Variants in FTO observed in about 807,000 individuals in gnomAD.
FTO encodes alpha-ketoglutarate-dependent dioxygenase FTO.
Under a neutral mutation model 63.9 loss-of-function variants are expected in FTO, and 47 were observed. The ratio of observed to expected loss-of-function variants is 0.74; its 90% CI spans 0.58 to 0.94. The LOEUF (loss-of-function observed/expected upper bound fraction) is 0.94, where lower values mean the gene tolerates loss of function less well. Ranked by LOEUF, FTO falls within the 40% of genes least tolerant of loss-of-function variation. FTO has a pLI of 0.00. For missense variants in FTO, 562 were observed against 618.1 expected, an observed-to-expected ratio of 0.91 and a Z score of 0.96; for synonymous variants, 207 against 224.4, an observed-to-expected ratio of 0.92 and a Z score of 0.69.
At chr16:53,722,241 A>C in intron 1 of FTO, among the ~76,000 whole-genome samples, 1 of 152,164 alleles carries the variant, frequency 6.6e-6, no homozygotes. Flanking sequence ...GTCATATTAA[A>C]TTTTACATTT....
intron 2 of FTO, among the ~76,000 whole-genome samples, chr16:53,822,368 T>C (rs1476027315): frequency 6.6e-6 from 1 of 152,220 alleles, no homozygotes; most frequent in Non-Finnish European, 1.5e-5. Context: ...ATCCACATAT[T>C]TTTGATCACA....
chr16:53,777,766 A>G (rs747855145), intron 1 of FTO, among the ~76,000 whole-genome samples: 1 of 152,220 alleles, frequency 6.6e-6, no homozygotes, highest in Non-Finnish European at 1.5e-5. Context: ...GACAACCTGA[A>G]GTTTATCATT....
At chr16:53,893,685 G>A (rs1008360842) in intron 7 of FTO, among the ~76,000 whole-genome samples, 16 of 151,598 alleles carry the variant, frequency 1.1e-4, no homozygotes, top group Non-Finnish European at 4.4e-5. Flanking sequence ...AGGTCAATTT[G>A]GTATAATCCA....
chr16:53,834,126 G>T (rs924536469), intron 3 of FTO, among the ~76,000 whole-genome samples: 1 of 151,936 alleles, frequency 6.6e-6, no homozygotes, highest in Admixed American at 6.6e-5. Flanking sequence ...CCAGGTTCAC[G>T]CCATTCTCCT....
At chr16:53,808,557 G>T (rs2078431954) in intron 1 of FTO, among the ~76,000 whole-genome samples, 1 of 152,106 alleles carries the variant, frequency 6.6e-6, no homozygotes, top group Non-Finnish European at 1.5e-5. Context: ...GGTCCAGAAA[G>T]AATTTGTGTT....
intron 8 of FTO, among the ~76,000 whole-genome samples, chr16:53,976,388 A>G (rs553313922): frequency 6.6e-6 from 1 of 152,216 alleles, no homozygotes; most frequent in East Asian, 1.9e-4. Flanking sequence ...GGAATAAACC[A>G]TTCTTGCCTC....
intron 2 of FTO, among the ~76,000 whole-genome samples, chr16:53,818,200 A>G (rs922606850): frequency 1.3e-5 from 2 of 151,790 alleles, no homozygotes; most frequent in Non-Finnish European, 2.9e-5. Flanking sequence ...GAAAAATTGA[A>G]CAAATGCTTC....
rs1033486994 is a variant in FTO at position 53,948,951 on chromosome 16, C to T, written c.1364+14842C>T. On this transcript the variant is annotated intron_variant, in intron 8 of 8. Coordinates refer to ENST00000471389, the MANE Select transcript of FTO (RefSeq NM_001080432.3). Reference sequence around the variant, plus strand: ...GCATTATTCCATGTAGGTTCTTGCGCGTGAGTGTGTATGTGTGTACGTGTG... The same window carrying T: ...GCATTATTCCATGTAGGTTCTTGCGTGTGAGTGTGTATGTGTGTACGTGTG... Among the ~76,000 whole-genome samples the T allele has an allele frequency of 7.2e-5, 11 of 152,224 alleles. No individual in the cohort carries two copies. In the South Asian group the frequency reaches 1.2e-3, roughly 17 times the overall value.
intron 7 of FTO, among the ~76,000 whole-genome samples, chr16:53,901,596 G>C (rs2081404217): frequency 6.6e-6 from 1 of 152,106 alleles, no homozygotes; most frequent in Non-Finnish European, 1.5e-5. Flanking sequence ...TCCCACATTA[G>C]TGATTGTGCA....
At chr16:53,760,110 C>T (rs1266027605) in intron 1 of FTO, among the ~76,000 whole-genome samples, 1 of 152,062 alleles carries the variant, frequency 6.6e-6, no homozygotes, top group African/African-American at 2.4e-5. Flanking sequence ...TATTGTATTC[C>T]TGAGCCTTTC....
intron 1 of FTO, among the ~76,000 whole-genome samples, chr16:53,750,280 C>T (rs962506583): frequency 1.3e-5 from 2 of 151,630 alleles, no homozygotes; most frequent in Non-Finnish European, 2.9e-5. Flanking sequence ...CTCTGTTTCC[C>T]AGGCTGGAGT....
Position 53,990,655 on chromosome 16 carries a change from T to TTTTTATTTTATTTTA in FTO, c.1364+56561_1364+56575dup, listed in dbSNP as rs142836988. 9.9e-3 allele frequency among the ~76,000 whole-genome samples: 1,429 copies of TTTTTATTTTATTTTA among 144,630 alleles called. 25 individuals are homozygous for TTTTTATTTTATTTTA. Among genetic ancestry groups the TTTTTATTTTATTTTA allele is most frequent in the East Asian group, 0.028 (139 of 5,042 alleles). The allele number at this position is 144,630 out of a possible 152,430, so 94.9% of individuals were successfully genotyped here. ...TTGCATACATTTCTTTTTCCTTTTC[T>TTTTTATTTTATTTTA]TTTTATTTTATTTTATTTTATTTTA... On this transcript the variant is annotated intron_variant, in intron 8 of 8. Coordinates refer to ENST00000471389, the MANE Select transcript of FTO (RefSeq NM_001080432.3).
chr16:54,035,827 T>G (rs1051775905), intron 8 of FTO, among the ~76,000 whole-genome samples: 11 of 152,206 alleles, frequency 7.2e-5, no homozygotes, highest in African/African-American at 2.7e-4. Context: ...CCGCTTCCTC[T>G]TGAAATGAAA....
At chr16:53,846,384 T>G (rs970154647) in intron 4 of FTO, among the ~76,000 whole-genome samples, 1 of 152,230 alleles carries the variant, frequency 6.6e-6, no homozygotes, top group African/African-American at 2.4e-5. Context: ...TAATAGATGT[T>G]AGTATCAGCC....
intron 6 of FTO, among the ~76,000 whole-genome samples, chr16:53,880,801 A>T (rs74767852): frequency 6.6e-6 from 1 of 151,978 alleles, no homozygotes; most frequent in African/African-American, 2.4e-5. Context: ...GGATTTCAAC[A>T]TAAGAATTTT....
intron 1 of FTO, among the ~76,000 whole-genome samples, chr16:53,724,416 T>C (rs2076106769): frequency 6.6e-6 from 1 of 152,222 alleles, no homozygotes; most frequent in South Asian, 2.1e-4. Flanking sequence ...AGTGCTGGTG[T>C]AGACCAACAC....
chr16:53,799,411 T>C (rs1238489104), intron 1 of FTO, among the ~76,000 whole-genome samples: 1 of 152,164 alleles, frequency 6.6e-6, no homozygotes, highest in African/African-American at 2.4e-5. Context: ...TCTTTTTCTT[T>C]TTTTTCTTTG....
At chr16:54,037,575 C>T (rs1303540477) in intron 8 of FTO, among the ~76,000 whole-genome samples, 1 of 152,196 alleles carries the variant, frequency 6.6e-6, no homozygotes, top group Admixed American at 6.5e-5. Context: ...ATTCAGTTTT[C>T]TTCTGCCATC....
intron 1 of FTO, among the ~76,000 whole-genome samples, chr16:53,785,815 C>A (rs2077719914): frequency 6.6e-6 from 1 of 150,842 alleles, no homozygotes. Context: ...GAGGCTGAGG[C>A]AGGAGAATTG....
Sources: allele counts gnomAD v4.1 joint callset (sites outside exome capture counted in the v4.1 genomes callset), GRCh38; gene constraint gnomAD v4.1.1; transcripts MANE v1.5; gene names NCBI Gene and HGNC (gene_info 2026-07-23, HGNC 2026-07-21).